Variants in TCF7L1 observed in about 807,000 individuals in gnomAD.
TCF7L1 encodes the protein transcription factor 7 like 1.
Under a neutral mutation model 63.7 loss-of-function variants are expected in TCF7L1, and 18 were observed. The observed-to-expected ratio is 0.28, with a 90% CI of 0.20 to 0.42. TCF7L1 has a LOEUF of 0.42. Ranked by LOEUF, TCF7L1 falls within the 10% of genes least tolerant of loss-of-function variation. The pLI is 1.00. For missense variants in TCF7L1, 654 were observed against 779.3 expected (o/e 0.84, Z 1.91); for synonymous variants, 355 against 340.9 (o/e 1.04, Z -0.46).
intron 3 of TCF7L1, among the ~76,000 whole-genome samples, chr2:85,163,818 G>C (rs1490266545): frequency 6.6e-6 from 1 of 152,142 alleles, no homozygotes; most frequent in East Asian, 1.9e-4. Flanking sequence ...TCTTCCCTCT[G>C]TGGATGTCTG....
intron 3 of TCF7L1, among the ~76,000 whole-genome samples, chr2:85,234,565 A>T (rs2104316821): frequency 6.6e-6 from 1 of 152,332 alleles, no homozygotes; most frequent in South Asian, 2.1e-4. Flanking sequence ...TCCCAAACAT[A>T]TGCCAAAGAA....
chr2:85,170,834 A>G (rs1363870934), intron 3 of TCF7L1, among the ~76,000 whole-genome samples: 1 of 152,204 alleles, frequency 6.6e-6, no homozygotes, highest in Admixed American at 6.5e-5. Flanking sequence ...TGGAACCACA[A>G]CAGAAAGACA....
At chr2:85,212,912 T>G (rs901963955) in intron 3 of TCF7L1, among the ~76,000 whole-genome samples, 26 of 152,072 alleles carry the variant, frequency 1.7e-4, no homozygotes, top group Non-Finnish European at 3.7e-4. Context: ...CATTACGGGA[T>G]TGGGAAGTGG....
chr2:85,139,483 A>G (rs1677669396), intron 3 of TCF7L1, among the ~76,000 whole-genome samples: 1 of 152,216 alleles, frequency 6.6e-6, no homozygotes, highest in Non-Finnish European at 1.5e-5. Flanking sequence ...TGTAATAAGA[A>G]GTTAAGAGGT....
chr2:85,158,118 A>G (rs1678193368), intron 3 of TCF7L1, among the ~76,000 whole-genome samples: 1 of 152,154 alleles, frequency 6.6e-6, no homozygotes, highest in Non-Finnish European at 1.5e-5. Context: ...GTAAGGTGCT[A>G]GCTGAGTGGG....
At chr2:85,293,319 G>A (rs1481549782) in intron 4 of TCF7L1, among the ~76,000 whole-genome samples, 1 of 152,198 alleles carries the variant, frequency 6.6e-6, no homozygotes, top group African/African-American at 2.4e-5. Context: ...CCATTCTTGT[G>A]ATGGCGAGCA....
intron 3 of TCF7L1, among the ~76,000 whole-genome samples, chr2:85,153,147 T>G (rs1678058947): frequency 6.6e-6 from 1 of 152,214 alleles, no homozygotes; most frequent in Non-Finnish European, 1.5e-5. Context: ...GATAACAGAT[T>G]TCCATTGACT....
intron 3 of TCF7L1, among the ~76,000 whole-genome samples, chr2:85,189,668 C>T (rs537663404): frequency 6.6e-6 from 1 of 152,186 alleles, no homozygotes; most frequent in East Asian, 1.9e-4. Flanking sequence ...GTGGGCAAAC[C>T]CCGGGGCTGG....
chr2:85,177,997 T>A lies in TCF7L1; in HGVS notation c.441+43547T>A, dbSNP rs575410019. Among the ~76,000 whole-genome samples the A allele has an allele frequency of 3.3e-5, 5 of 151,864 alleles. No individual in the cohort carries two copies. The South Asian group carries it at 1.0e-3, about 32-fold the overall frequency. On this transcript the variant is annotated intron_variant, in intron 3 of 11. Transcript: ENST00000282111. ...ACCATTCTGTGGAACGGATATAGAG[T>A]CATTTGTTAACCAGTGATACTGACA...
chr2:85,302,337 A>T, intron 4 of TCF7L1, 147 bp from the exon 5 acceptor site: 1 of 1,082,164 alleles, frequency 9.2e-7, no homozygotes, highest in Non-Finnish European at 1.4e-6. Context: ...TGCTGTGTCC[A>T]CTGCTGTCAT....
intron 3 of TCF7L1, among the ~76,000 whole-genome samples, chr2:85,239,565 A>G (rs1163052723): frequency 6.6e-6 from 1 of 152,160 alleles, no homozygotes; most frequent in Admixed American, 6.5e-5. Flanking sequence ...ATGACTTTGC[A>G]CCAATCTCTC....
At chr2:85,231,706 A>G (rs1680084855) in intron 3 of TCF7L1, among the ~76,000 whole-genome samples, 1 of 152,130 alleles carries the variant, frequency 6.6e-6, no homozygotes, top group Non-Finnish European at 1.5e-5. Context: ...GTTATTGTCC[A>G]CATGTGTAAC....
chr2:85,223,120 C>T (rs935079219), intron 3 of TCF7L1, among the ~76,000 whole-genome samples: 12 of 152,188 alleles, frequency 7.9e-5, no homozygotes, highest in Non-Finnish European at 1.8e-4. Flanking sequence ...CTCACTCAGT[C>T]GCCTAGGCTA....
chr2:85,286,039 A>G (rs1054299445), intron 4 of TCF7L1, among the ~76,000 whole-genome samples: 1 of 151,920 alleles, frequency 6.6e-6, no homozygotes. Context: ...TAAAAATACA[A>G]AATTAGCCAG....
intron 4 of TCF7L1, among the ~76,000 whole-genome samples, chr2:85,286,747 G>T (rs1447005650): frequency 6.6e-6 from 1 of 151,928 alleles, no homozygotes; most frequent in African/African-American, 2.4e-5. Flanking sequence ...CACCCTCCTC[G>T]GCCTCCCAAA....
Position 85,307,731 on chromosome 2 carries a change from C to T in TCF7L1, c.1333+14C>T. 1 of 1,611,616 alleles carries T rather than the reference C, an allele frequency of 6.2e-7. No homozygotes were observed. Among genetic ancestry groups the T allele is most frequent in the Non-Finnish European group, 8.5e-7 (1 of 1,178,560 alleles). On this transcript the variant is annotated intron_variant, in intron 11 of 11. Transcript: ENST00000282111. ...AGGAGGCAGAGGGTGCGTCTCGGGG[C>T]ACTGGCCTCTTCTCCTGCTTTTCCT...
intron 3 of TCF7L1, among the ~76,000 whole-genome samples, chr2:85,275,822 A>G (rs1395377110): frequency 1.3e-5 from 2 of 149,926 alleles, no homozygotes; most frequent in Non-Finnish European, 3.0e-5. Context: ...TGAGAGGCTG[A>G]GATGGGAGGA....
chr2:85,191,901 A>T (rs534596333), intron 3 of TCF7L1, among the ~76,000 whole-genome samples: 1 of 152,260 alleles, frequency 6.6e-6, no homozygotes, highest in Admixed American at 6.5e-5. Context: ...AAGAAACTTC[A>T]TCTTCAAGTC....
chr2:85,175,060 A>G (rs1168722668), intron 3 of TCF7L1, among the ~76,000 whole-genome samples: 1 of 152,204 alleles, frequency 6.6e-6, no homozygotes, highest in African/African-American at 2.4e-5. Context: ...AGGCAGCGCC[A>G]TGTGACATCC....
Sources: gnomAD v4.1 joint callset for allele counts (sites outside exome capture counted in the v4.1 genomes callset) on GRCh38, gnomAD v4.1.1 for gene constraint, MANE v1.5 for transcripts, NCBI Gene and HGNC (gene_info 2026-07-23, HGNC 2026-07-21) for gene names.